The following REPS2 variants were observed in gnomAD, a reference collection of about 807,000 sequenced individuals.
REPS2 encodes the protein ralBP1-associated Eps domain-containing protein 2.
A neutral mutation model predicts 53.6 loss-of-function variants in REPS2; 23 were observed. The ratio of observed to expected loss-of-function variants is 0.43; its 90% CI spans 0.31 to 0.61. The LOEUF is 0.61. Ranked by LOEUF, REPS2 falls within the 20% of genes least tolerant of loss-of-function variation. The probability of loss-of-function intolerance (pLI) is 0.11; values close to 1 mark genes in which losing one functional copy is unlikely to be tolerated. For synonymous variants in REPS2, 238 were observed against 218.6 expected, an observed-to-expected ratio of 1.09 and a Z score of -0.78; for missense variants, 446 against 534.9, an observed-to-expected ratio of 0.83 and a Z score of 1.64.
intron 5 of REPS2, among the ~76,000 whole-genome samples, chrX:17,034,029 C>T (rs140036354): frequency 7.1e-5 from 8 of 111,982 alleles, no homozygotes; most frequent in African/African-American, 1.6e-4. Context: ...GAACGTGAAA[C>T]GTAAGTGTTT....
intron 5 of REPS2, among the ~76,000 whole-genome samples, chrX:17,039,373 G>C (rs778418476): frequency 1.5e-4 from 17 of 112,390 alleles, no homozygotes; most frequent in African/African-American, 5.2e-4. Flanking sequence ...ACAGTAAAAT[G>C]ATTACATACC....
the REPS2 span, among the ~76,000 whole-genome samples, chrX:17,183,341 T>G: frequency 8.9e-6 from 1 of 112,285 alleles, no homozygotes; most frequent in Non-Finnish European, 1.9e-5. Flanking sequence ...AATGATACAC[T>G]TATTCACTAC....
chrX:17,074,104 T>C lies in REPS2; in HGVS notation c.1334-10T>C. 1 of 1,208,572 alleles carries C rather than the reference T, an allele frequency of 8.3e-7. No homozygotes were observed. The highest frequency in any genetic ancestry group is 1.1e-6 in the Non-Finnish European group (1 of 893,298). On this transcript the variant is annotated splice_polypyrimidine_tract_variant and intron_variant, in intron 11 of 17. Transcript: ENST00000357277. Reference sequence around the variant, plus strand: ...GCAGAAATGAAACCCAAGCAATATCTTTGTTTCAGCAACTCCCAAGGATTC... The same window carrying C: ...GCAGAAATGAAACCCAAGCAATATCCTTGTTTCAGCAACTCCCAAGGATTC...
At chrX:17,171,295 TAACCAG>T in the REPS2 span, among the ~76,000 whole-genome samples, 1 of 111,963 alleles carries the variant, frequency 8.9e-6, no homozygotes, top group Non-Finnish European at 1.9e-5. Context: ...ACACCATAAC[TAACCAG>T]TTTATTATAG....
At chrX:16,993,118 C>T (rs1307344781) in intron 1 of REPS2, among the ~76,000 whole-genome samples, 19 of 111,908 alleles carry the variant, frequency 1.7e-4, no homozygotes, top group Non-Finnish European at 5.6e-5. Flanking sequence ...AGTTTGCTGG[C>T]TCAGCACTGT....
chrX:17,002,093 C>T (rs748740857), intron 1 of REPS2, among the ~76,000 whole-genome samples: 107 of 110,933 alleles, frequency 9.6e-4, no homozygotes, highest in African/African-American at 3.2e-3. Context: ...GATGATGGTG[C>T]GGTGGTGTAC....
At chrX:17,107,154 A>G (rs2062885325) in intron 14 of REPS2, among the ~76,000 whole-genome samples, 1 of 112,386 alleles carries the variant, frequency 8.9e-6, no homozygotes, top group African/African-American at 3.2e-5. Flanking sequence ...TGAATATTCA[A>G]GTGGAATGCT....
chrX:17,089,170 CCT>C (rs1202368276), intron 13 of REPS2, among the ~76,000 whole-genome samples: 5 of 110,391 alleles, frequency 4.5e-5, no homozygotes, highest in Non-Finnish European at 9.5e-5. Context: ...GAGCTTTTGC[CCT>C]CATAGATACT....
intron 13 of REPS2, among the ~76,000 whole-genome samples, chrX:17,087,675 C>CT (rs2062555567): frequency 9.0e-6 from 1 of 111,678 alleles, no homozygotes. Flanking sequence ...TGGCTCATGC[C>CT]TGTAATCTCA....
In REPS2 at chrX:17,150,277, A is replaced by G. The variant is rs1013467769; in HGVS notation, c.*2796A>G. 8.9e-6 allele frequency: 1 copy of G among 112,382 alleles called. No individual in the cohort carries two copies. The highest frequency in any genetic ancestry group is 1.9e-5 in the Non-Finnish European group (1 of 53,279). 9.3% of individuals were successfully genotyped at this position (112,382 alleles called of 1,213,427 possible). ...TTCCATAAAACGACTCCAAAGTTAG[A>G]CCTGCCTGTTGGGGAGAATTCTATA... is the stretch of plus-strand genomic sequence containing the variant. On this transcript the variant is annotated 3_prime_UTR_variant, in exon 18 of 18. Coordinates refer to ENST00000357277, the MANE Select transcript of REPS2 (RefSeq NM_004726.3).
Position 17,025,051 on chromosome X carries a change from C to A in REPS2, c.547-8C>A. 1.7e-6 allele frequency: 2 copies of A among 1,212,082 alleles called. No homozygotes were observed. The highest frequency in any genetic ancestry group is 3.0e-5 in the East Asian group (1 of 33,867). ...AGCGCCTCTGAACTCTGATCTGGTTCTTTGAAGCAGGAAACACAGTCTCCC... is the reference window on the plus strand; with the variant it reads ...AGCGCCTCTGAACTCTGATCTGGTTATTTGAAGCAGGAAACACAGTCTCCC... On this transcript the variant is annotated splice_polypyrimidine_tract_variant and splice_region_variant and intron_variant, in intron 3 of 17. Coordinates refer to ENST00000357277, the MANE Select transcript of REPS2 (RefSeq NM_004726.3).
chrX:16,986,468 A>C (rs1346087887), intron 1 of REPS2, among the ~76,000 whole-genome samples: 1 of 112,306 alleles, frequency 8.9e-6, no homozygotes, highest in Non-Finnish European at 1.9e-5. Context: ...AAGAGAACAG[A>C]GGCAGACAAG....
chrX:16,968,416 G>C (rs1391906285), intron 1 of REPS2, among the ~76,000 whole-genome samples: 15 of 111,713 alleles, frequency 1.3e-4, no homozygotes, highest in Non-Finnish European at 1.7e-4. Context: ...CAGTAGGGGC[G>C]GCCGGGCAGA....
chrX:16,949,847 T>C (rs2060486590), intron 1 of REPS2, among the ~76,000 whole-genome samples: 2 of 111,447 alleles, frequency 1.8e-5, no homozygotes, highest in African/African-American at 6.5e-5. Flanking sequence ...ATCAGAATAA[T>C]AGAGTTTTTA....
At chrX:17,141,067 C>T (rs912405486) in intron 17 of REPS2, among the ~76,000 whole-genome samples, 2 of 111,741 alleles carry the variant, frequency 1.8e-5, no homozygotes, top group African/African-American at 6.5e-5. Flanking sequence ...ACCGCGCCAG[C>T]GCACGCACAA....
chrX:16,970,956 T>A (rs1446164911), intron 1 of REPS2, among the ~76,000 whole-genome samples: 1 of 112,673 alleles, frequency 8.9e-6, no homozygotes, highest in African/African-American at 3.2e-5. Flanking sequence ...TGAACACTTG[T>A]GTATAGGTTT....
intron 11 of REPS2, among the ~76,000 whole-genome samples, chrX:17,070,789 G>A (rs772594981): frequency 8.1e-5 from 9 of 111,645 alleles, no homozygotes; most frequent in African/African-American, 2.6e-4. Flanking sequence ...TCAATATAAT[G>A]TTGAGGCTTA....
intron 7 of REPS2, among the ~76,000 whole-genome samples, chrX:17,052,979 T>G (rs912951221): frequency 2.7e-5 from 3 of 111,307 alleles, no homozygotes; most frequent in African/African-American, 9.8e-5. Flanking sequence ...CACTGCACCT[T>G]TATGCACTCT....
chrX:17,056,060 G>T (rs924577815), intron 8 of REPS2, among the ~76,000 whole-genome samples: 25 of 111,724 alleles, frequency 2.2e-4, no homozygotes, highest in African/African-American at 7.8e-4. Context: ...TTAAAATGAT[G>T]TCCAGATACT....
Sources: allele counts gnomAD v4.1 joint callset (sites outside exome capture counted in the v4.1 genomes callset), GRCh38; gene constraint gnomAD v4.1.1; transcripts MANE v1.5; gene names NCBI Gene and HGNC (gene_info 2026-07-23, HGNC 2026-07-21).